PRKG1: variants seen among roughly 807,000 people sequenced by gnomAD.
PRKG1 encodes the protein protein kinase cGMP-dependent 1, also known as cGMP-dependent protein kinase 1.
A neutral mutation model predicts 88.1 loss-of-function variants in PRKG1; 35 were observed. The observed-to-expected ratio is 0.40, with a 90% CI of 0.30 to 0.53. The LOEUF (loss-of-function observed/expected upper bound fraction) is 0.53, where lower values mean the gene tolerates loss of function less well. Among genes scored for constraint, PRKG1 ranks in the 20% least tolerant of loss-of-function variants. PRKG1 has a pLI of 0.59. For synonymous variants in PRKG1, 303 were observed against 292.5 expected (o/e 1.04, Z -0.37); for missense variants, 540 against 839.8 (o/e 0.64, Z 4.41).
chr10:51,925,917 A>G (rs556407327), intron 5 of PRKG1, among the ~76,000 whole-genome samples: 107 of 152,300 alleles, frequency 7.0e-4, no homozygotes, highest in Middle Eastern at 3.4e-3. Context: ...AGCTCTTTAT[A>G]TATCAGACCA....
intron 1 of PRKG1, among the ~76,000 whole-genome samples, chr10:51,000,056 C>G (rs1238394129): frequency 2.0e-5 from 3 of 152,190 alleles, no homozygotes; most frequent in Non-Finnish European, 4.4e-5. Context: ...ATTTGGTCTC[C>G]TCTCAGAGAA....
intron 5 of PRKG1, among the ~76,000 whole-genome samples, chr10:51,922,530 T>A (rs548882396): frequency 6.6e-6 from 1 of 152,028 alleles, no homozygotes; most frequent in South Asian, 2.1e-4. Flanking sequence ...ATGTATTCAT[T>A]CAATGCTGTA....
intron 2 of PRKG1, among the ~76,000 whole-genome samples, chr10:51,242,863 G>A (rs1426873828): frequency 6.6e-6 from 1 of 152,110 alleles, no homozygotes; most frequent in African/African-American, 2.4e-5. Flanking sequence ...ACAGGTTGCA[G>A]GTGATCACTG....
chr10:51,791,556 C>A (rs1838869935), intron 3 of PRKG1, among the ~76,000 whole-genome samples: 1 of 152,008 alleles, frequency 6.6e-6, no homozygotes, highest in South Asian at 2.1e-4. Context: ...TTTATTTAAT[C>A]CGAAACATCT....
At chr10:51,994,547 C>T (rs922685270) in intron 5 of PRKG1, among the ~76,000 whole-genome samples, 1 of 152,112 alleles carries the variant, frequency 6.6e-6, no homozygotes, top group African/African-American at 2.4e-5. Context: ...TAGTCAATTC[C>T]CAATCTCTGC....
At chr10:52,104,024 T>G (rs59186791) in intron 7 of PRKG1, among the ~76,000 whole-genome samples, 1 of 145,462 alleles carries the variant, frequency 6.9e-6, no homozygotes, top group Admixed American at 6.9e-5. Flanking sequence ...TATATATATA[T>G]AATGAGATAT....
chr10:52,054,240 G>T (rs1024281221), intron 5 of PRKG1, among the ~76,000 whole-genome samples: 3 of 152,108 alleles, frequency 2.0e-5, no homozygotes, highest in Non-Finnish European at 4.4e-5. Flanking sequence ...TGCACATTGT[G>T]CACATGTACC....
chr10:52,190,102 G>A (rs1053503909), intron 9 of PRKG1, among the ~76,000 whole-genome samples: 1 of 152,174 alleles, frequency 6.6e-6, no homozygotes, highest in Non-Finnish European at 1.5e-5. Context: ...GTCCAAATTA[G>A]TTTTGTGACA....
At chr10:51,121,972 G>A (rs773152345) in intron 1 of PRKG1, among the ~76,000 whole-genome samples, 38 of 152,162 alleles carry the variant, frequency 2.5e-4, no homozygotes, top group Admixed American at 1.2e-3. Flanking sequence ...TACCTCAAGA[G>A]CAGGCCCTTG....
rs1181356929 is a variant in PRKG1, at chr10:52,204,103, ATTATTT to A, written c.1076+42143_1076+42148del. 7.1e-3 allele frequency among the ~76,000 whole-genome samples: 504 copies of A among 70,880 alleles called. 2 individuals carry two copies. The highest frequency in any genetic ancestry group is 0.028 in the African/African-American group (473 of 17,080). The allele number at this position is 70,880 out of a possible 152,430, so 46.5% of individuals were successfully genotyped here. On this transcript the variant is annotated intron_variant, in intron 9 of 17. Transcript: ENST00000373980. ...TATTATTATTATTATTATTATTATT[ATTATTT>A]TTTGTTTTTGAGATGGACTCTTGCT...
intron 2 of PRKG1, among the ~76,000 whole-genome samples, chr10:51,250,118 G>T (rs1289134113): frequency 6.6e-6 from 1 of 151,672 alleles, no homozygotes; most frequent in African/African-American, 2.4e-5. Flanking sequence ...GGTTGCTGTG[G>T]TTTAACTCCC....
chr10:52,074,335 T>C lies in PRKG1; in HGVS notation c.935+11704T>C, dbSNP rs77854886. Among the ~76,000 whole-genome samples the C allele has an allele frequency of 3.4e-3, 511 of 152,246 alleles. 2 individuals are homozygous for C. Among genetic ancestry groups the C allele is most frequent in the African/African-American group, 0.011 (477 of 41,556 alleles). ...AAAGGGATCAGCTTTTTATAGAAGA[T>C]TGGAGAAACATCAGGGTGTCTTAGT... On this transcript the variant is annotated intron_variant, in intron 7 of 17. Coordinates refer to ENST00000373980, the MANE Select transcript of PRKG1 (RefSeq NM_006258.4).
In PRKG1 at chr10:52,022,261, C is replaced by T. The variant is rs555113196; in HGVS notation, c.763-32223C>T. 4.7e-4 allele frequency among the ~76,000 whole-genome samples: 72 copies of T among 152,278 alleles called. No individual in the cohort carries two copies. The South Asian group carries it at 5.0e-3, about 11-fold the overall frequency. On this transcript the variant is annotated intron_variant, in intron 5 of 17. Transcript: ENST00000373980. ...CTTGGTAGGTTAGGTGTATTAAATACATTTTGACTTACTCAATTTTCAACT... is the reference window on the plus strand; with the variant it reads ...CTTGGTAGGTTAGGTGTATTAAATATATTTTGACTTACTCAATTTTCAACT...
At chr10:50,998,142 C>T (rs949597594) in intron 1 of PRKG1, among the ~76,000 whole-genome samples, 2 of 152,176 alleles carry the variant, frequency 1.3e-5, no homozygotes, top group African/African-American at 4.8e-5. Context: ...GTTTGCCACT[C>T]CTTGTTGAAG....
intron 2 of PRKG1, among the ~76,000 whole-genome samples, chr10:51,265,757 A>T (rs979144814): frequency 6.6e-6 from 1 of 152,200 alleles, no homozygotes; most frequent in African/African-American, 2.4e-5. Flanking sequence ...CTTCTGGTTG[A>T]GAAAACCATG....
At chr10:51,997,644 A>G (rs1053509912) in intron 5 of PRKG1, among the ~76,000 whole-genome samples, 5 of 152,170 alleles carry the variant, frequency 3.3e-5, no homozygotes, top group Admixed American at 2.0e-4. Context: ...AGGTTTATTC[A>G]TTCTACAATG....
At chr10:51,710,720 G>T (rs146312993) in intron 3 of PRKG1, among the ~76,000 whole-genome samples, 3 of 152,302 alleles carry the variant, frequency 2.0e-5, no homozygotes, top group African/African-American at 7.2e-5. Context: ...AAATATCATT[G>T]TGCTTTAAGC....
At chr10:51,865,109 T>C (rs1840981088) in intron 4 of PRKG1, among the ~76,000 whole-genome samples, 1 of 152,122 alleles carries the variant, frequency 6.6e-6, no homozygotes, top group Admixed American at 6.6e-5. Context: ...TAACTCTTAG[T>C]GTTGCTGAAT....
intron 3 of PRKG1, among the ~76,000 whole-genome samples, chr10:51,627,648 G>A (rs1011842584): frequency 6.6e-6 from 1 of 152,194 alleles, no homozygotes; most frequent in Non-Finnish European, 1.5e-5. Context: ...AACACCATTA[G>A]TGGTTGATAG....
Sources: gnomAD v4.1 joint callset for allele counts (sites outside exome capture counted in the v4.1 genomes callset) on GRCh38, gnomAD v4.1.1 for gene constraint, MANE v1.5 for transcripts, NCBI Gene and HGNC (gene_info 2026-07-23, HGNC 2026-07-21) for gene names.